The following KLF7 variants were observed in gnomAD, a reference collection of about 807,000 sequenced individuals.
KLF7 encodes the protein KLF transcription factor 7.
KLF7 carries 2 observed loss-of-function variants against 27.3 expected under a neutral mutation model. The ratio of observed to expected loss-of-function variants is 0.07; its 90% confidence interval spans 0.03 to 0.23. The LOEUF (loss-of-function observed/expected upper bound fraction) is 0.23, where lower values mean the gene tolerates loss of function less well. Ranked by LOEUF, KLF7 falls within the 10% of genes least tolerant of loss-of-function variation. KLF7 has a pLI of 1.00. For missense variants in KLF7, 221 were observed against 394.1 expected (o/e 0.56, Z 3.72); for synonymous variants, 165 against 162.4 (o/e 1.02, Z -0.12).
chr2:207,152,890 A>C (rs925168874), intron 1 of KLF7, among the ~76,000 whole-genome samples: 1 of 152,182 alleles, frequency 6.6e-6, no homozygotes, highest in African/African-American at 2.4e-5. Context: ...AGCGAGGTGG[A>C]AATAGTGGGG....
In KLF7 at chr2:207,076,683, A is replaced by C. The variant is rs2076181772; in HGVS notation, c.*4530T>G. On this transcript the variant is annotated 3_prime_UTR_variant, in exon 4 of 4. Coordinates refer to ENST00000309446, the MANE Select transcript of KLF7 (RefSeq NM_003709.4). The stretch of plus-strand genomic sequence containing the variant: ...GTATTCCCAAAGATCCTCACTGAGG[A>C]AAGTAGGCCATCAAAGAGACATTGA... 1 of 152,194 alleles carries C rather than the reference A, an allele frequency of 6.6e-6. No individual in the cohort carries two copies. Among genetic ancestry groups the C allele is most frequent in the Non-Finnish European group, 1.5e-5 (1 of 68,038 alleles). The allele number at this position is 152,194 out of a possible 1,614,324, so 9.4% of individuals were successfully genotyped here. A position where few individuals can be genotyped will look rare whatever the true frequency, so the allele number is the denominator to read the frequency against.
At chr2:207,167,368 A>G (rs2078744885), upstream of KLF7, 5 of 337,702 alleles carry the variant, frequency 1.5e-5, no homozygotes. Context: ...TTTTGGAATG[A>G]TTGCAGAATT....
rs745668886 is a variant in KLF7, at chr2:207,078,429, A to G, written c.*2784T>C. 3.9e-5 allele frequency: 6 copies of G among 152,282 alleles called. No homozygotes were observed. The highest frequency in any genetic ancestry group is 7.2e-5 in the African/African-American group (3 of 41,470). 9.4% of individuals were successfully genotyped at this position (152,282 alleles called of 1,614,324 possible). On this transcript the variant is annotated 3_prime_UTR_variant, in exon 4 of 4. Coordinates refer to ENST00000309446, the MANE Select transcript of KLF7 (RefSeq NM_003709.4). ...CATTCAAATGAGACCACAGATGAAA[A>G]TAGGGAGCAAACAAGCAATGATTAC... is the stretch of plus-strand genomic sequence containing the variant.
chr2:207,149,059 C>A (rs981081029), intron 1 of KLF7: 2 of 1,198,436 alleles, frequency 1.7e-6, no homozygotes, highest in East Asian at 6.1e-5. Context: ...ACTCTGTGTT[C>A]CACCTAAAGG....
chr2:207,107,865 G>A (rs1227035785), intron 2 of KLF7, among the ~76,000 whole-genome samples: 3 of 152,204 alleles, frequency 2.0e-5, no homozygotes, highest in South Asian at 2.1e-4. Flanking sequence ...CAGTGGGTTC[G>A]CTGTCTAAAT....
chr2:207,150,802 A>G (rs1403920935), intron 1 of KLF7, among the ~76,000 whole-genome samples: 1 of 152,018 alleles, frequency 6.6e-6, no homozygotes, highest in Non-Finnish European at 1.5e-5. Context: ...TCATTCCCCT[A>G]TTGTTTTCAT....
At chr2:207,091,877 C>G (rs1290609894) in intron 2 of KLF7, among the ~76,000 whole-genome samples, 1 of 152,182 alleles carries the variant, frequency 6.6e-6, no homozygotes, top group Non-Finnish European at 1.5e-5. Flanking sequence ...GTGGACATAT[C>G]TGTAGCCATG....
intron 1 of KLF7, among the ~76,000 whole-genome samples, chr2:207,147,134 T>C (rs934661388): frequency 1.3e-5 from 2 of 152,184 alleles, no homozygotes; most frequent in Admixed American, 1.3e-4. Flanking sequence ...GCAAATTTGT[T>C]GCTCCCATTA....
In KLF7 at chr2:207,077,646, TA is replaced by T. The variant is rs2076198635; in HGVS notation, c.*3566del. 1 of 152,174 alleles carries T rather than the reference TA, an allele frequency of 6.6e-6. No individual in the cohort carries two copies. The highest frequency in any genetic ancestry group is 2.1e-4 in the South Asian group (1 of 4,830). 9.4% of individuals were successfully genotyped at this position (152,174 alleles called of 1,614,324 possible). On this transcript the variant is annotated 3_prime_UTR_variant, in exon 4 of 4. Coordinates refer to ENST00000309446, the MANE Select transcript of KLF7 (RefSeq NM_003709.4). ...TGAACATCTCTTTTTCTGGACATAATACTCATTACCACCAGGCATTGAGCTG... is the reference window on the plus strand; with the variant it reads ...TGAACATCTCTTTTTCTGGACATAATCTCATTACCACCAGGCATTGAGCTG...
the KLF7 span, among the ~76,000 whole-genome samples, chr2:207,172,405 G>T: frequency 6.6e-6 from 1 of 152,070 alleles, no homozygotes; most frequent in Non-Finnish European, 1.5e-5. Context: ...AGTTTTCCCT[G>T]GGTCTTTGTG....
the KLF7 span, among the ~76,000 whole-genome samples, chr2:207,172,342 A>G: frequency 6.6e-6 from 1 of 152,052 alleles, no homozygotes; most frequent in Non-Finnish European, 1.5e-5. Flanking sequence ...TTTTTATCCA[A>G]TCCCACTTCA....
Position 207,079,347 on chromosome 2 carries a change from T to C in KLF7, c.*1866A>G, listed in dbSNP as rs745622145. ...TGACTTCAGTTTTGCATCCCAAATA[T>C]GTATGGGGTGGCATTTTAACAGTCA... On this transcript the variant is annotated 3_prime_UTR_variant, in exon 4 of 4. Coordinates refer to ENST00000309446, the MANE Select transcript of KLF7 (RefSeq NM_003709.4). 2.0e-5 allele frequency: 3 copies of C among 152,338 alleles called. No individual in the cohort carries two copies. Among genetic ancestry groups the C allele is most frequent in the South Asian group, 2.1e-4 (1 of 4,828 alleles). 9.4% of individuals were successfully genotyped at this position (152,338 alleles called of 1,614,324 possible).
intron 2 of KLF7, among the ~76,000 whole-genome samples, chr2:207,101,395 A>G (rs1346813931): frequency 6.6e-6 from 1 of 152,234 alleles, no homozygotes; most frequent in Non-Finnish European, 1.5e-5. Flanking sequence ...AAAATCCCTA[A>G]GACTTGGTAA....
chr2:207,170,019 A>G (rs2078774646), upstream of KLF7, among the ~76,000 whole-genome samples: 1 of 152,178 alleles, frequency 6.6e-6, no homozygotes. Context: ...ATCAAAATCT[A>G]GACATAAGCT....
rs1023270250 is a variant in KLF7 at position 207,076,648 on chromosome 2, T to G, written c.*4565A>C. On this transcript the variant is annotated 3_prime_UTR_variant, in exon 4 of 4. Coordinates refer to ENST00000309446, the MANE Select transcript of KLF7 (RefSeq NM_003709.4). ...GCTTCCTTTCACACATTTCTGTTGTTCCATCTCAAGTATTCCCAAAGATCC... is the reference window on the plus strand; with the variant it reads ...GCTTCCTTTCACACATTTCTGTTGTGCCATCTCAAGTATTCCCAAAGATCC... 2 of 152,176 alleles carry G rather than the reference T, an allele frequency of 1.3e-5. No individual in the cohort carries two copies. The highest frequency in any genetic ancestry group is 2.9e-5 in the Non-Finnish European group (2 of 68,032). The allele number at this position is 152,176 out of a possible 1,614,324, so 9.4% of individuals were successfully genotyped here.
chr2:207,147,125 C>A (rs1197737231), intron 1 of KLF7, among the ~76,000 whole-genome samples: 1 of 152,108 alleles, frequency 6.6e-6, no homozygotes, highest in Non-Finnish European at 1.5e-5. Context: ...TGAAGTGTGG[C>A]AAATTTGTTG....
chr2:207,094,933 A>G (rs1224684263), intron 2 of KLF7, among the ~76,000 whole-genome samples: 1 of 151,480 alleles, frequency 6.6e-6, no homozygotes, highest in African/African-American at 2.4e-5. Context: ...TCATTCATCC[A>G]TTACTTGCTT....
chr2:207,137,745 G>A (rs1231612052), intron 1 of KLF7, among the ~76,000 whole-genome samples: 1 of 150,586 alleles, frequency 6.6e-6, no homozygotes, highest in African/African-American at 2.4e-5. Flanking sequence ...ATGTATTTTG[G>A]ATGCCTCTCT....
chr2:207,083,103 T>C (rs1301110565), intron 3 of KLF7, among the ~76,000 whole-genome samples: 1 of 152,248 alleles, frequency 6.6e-6, no homozygotes, highest in African/African-American at 2.4e-5. Context: ...AGATAATCCC[T>C]TAGCGATGCC....
Sources: allele counts gnomAD v4.1 joint callset (sites outside exome capture counted in the v4.1 genomes callset), GRCh38; gene constraint gnomAD v4.1.1; transcripts MANE v1.5; gene names NCBI Gene and HGNC (gene_info 2026-07-23, HGNC 2026-07-21).